CACNB2: variants seen among roughly 807,000 people sequenced by gnomAD.
The protein encoded by CACNB2 is calcium voltage-gated channel auxiliary subunit beta 2.
In CACNB2, 42 loss-of-function variants were observed where a neutral mutation model predicts 73.3. The ratio of observed to expected loss-of-function variants is 0.57; its 90% CI spans 0.45 to 0.74. CACNB2 has a LOEUF of 0.74. CACNB2 is among the 30% of genes least tolerant of loss of function. The probability of loss-of-function intolerance (pLI) is 0.00; values close to 1 mark genes in which losing one functional copy is unlikely to be tolerated. For missense variants in CACNB2, 940 were observed against 853.0 expected, an observed-to-expected ratio of 1.10 and a Z score of -1.27; for synonymous variants, 348 against 310.3, an observed-to-expected ratio of 1.12 and a Z score of -1.28.
At chr10:18,435,343 C>A (rs1436945700) in intron 3 of CACNB2, among the ~76,000 whole-genome samples, 2 of 152,180 alleles carry the variant, frequency 1.3e-5, no homozygotes, top group African/African-American at 4.8e-5. Context: ...CCTGAGTTGA[C>A]AATAGGTGGC....
At chr10:18,360,785 C>T (rs1485722234) in intron 2 of CACNB2, among the ~76,000 whole-genome samples, 1 of 152,168 alleles carries the variant, frequency 6.6e-6, no homozygotes, top group African/African-American at 2.4e-5. Flanking sequence ...TCAGATTATG[C>T]ACCTGCTGAA....
At chr10:18,220,870 CT>C (rs1439489165) in intron 2 of CACNB2, among the ~76,000 whole-genome samples, 1 of 152,216 alleles carries the variant, frequency 6.6e-6, no homozygotes, top group African/African-American at 2.4e-5. Flanking sequence ...ACAATCCCCC[CT>C]AGTCCGTGGG....
At chr10:18,305,811 C>A (rs1374757961) in intron 2 of CACNB2, among the ~76,000 whole-genome samples, 3 of 152,036 alleles carry the variant, frequency 2.0e-5, no homozygotes, top group Non-Finnish European at 4.4e-5. Flanking sequence ...AGAAGGGTAA[C>A]TGAGGAATTC....
At chr10:18,492,489 C>T (rs969100005) in intron 3 of CACNB2, among the ~76,000 whole-genome samples, 13 of 152,070 alleles carry the variant, frequency 8.5e-5, no homozygotes, top group African/African-American at 2.4e-4. Context: ...GGTGTGGTGG[C>T]ATGCGCCTGT....
chr10:18,512,059 A>AT (rs888542143), intron 6 of CACNB2, among the ~76,000 whole-genome samples: 2 of 152,176 alleles, frequency 1.3e-5, no homozygotes, highest in African/African-American at 4.8e-5. Flanking sequence ...ATGTGGAAGG[A>AT]TTTTGTAAAA....
intron 2 of CACNB2, among the ~76,000 whole-genome samples, chr10:18,227,504 T>C (rs762870266): frequency 4.6e-5 from 7 of 152,208 alleles, no homozygotes; most frequent in Non-Finnish European, 1.0e-4. Context: ...TCAGTAGTGT[T>C]CCATGAAAGG....
intron 3 of CACNB2, among the ~76,000 whole-genome samples, chr10:18,422,200 T>C (rs1047289907): frequency 6.6e-6 from 1 of 152,228 alleles, no homozygotes; most frequent in African/African-American, 2.4e-5. Flanking sequence ...GTCTGTGACT[T>C]TCTGAGTTGC....
At position 18,150,880 on chromosome 10, in the gene CACNB2, T is replaced by TTTTTTTTTTTTTTTTTTTG; in HGVS notation, c.121-3_121-2insTTTTTTTTTTTTTTTTTTG. 4 of 1,300,364 alleles carry TTTTTTTTTTTTTTTTTTTG rather than the reference T, an allele frequency of 3.1e-6. No homozygotes were observed. The highest frequency in any genetic ancestry group is 1.7e-5 in the African/African-American group (1 of 59,346). The allele number at this position is 1,300,364 out of a possible 1,614,324, so 80.6% of individuals were successfully genotyped here. A position where few individuals can be genotyped will look rare whatever the true frequency, so the allele number is the denominator to read the frequency against. On this transcript the variant is annotated splice_polypyrimidine_tract_variant and splice_region_variant and intron_variant, in intron 1 of 13. Coordinates refer to ENST00000324631, the MANE Select transcript of CACNB2 (RefSeq NM_201596.3). ...CTTTTTTTTTTTTTTTTTTTTTTTT[T>TTTTTTTTTTTTTTTTTTTG]AGTCATATGGAAAAGGAGCCAGAAG...
chr10:18,154,839 G>A (rs1335576715), intron 2 of CACNB2, among the ~76,000 whole-genome samples: 7 of 152,232 alleles, frequency 4.6e-5, no homozygotes, highest in Non-Finnish European at 8.8e-5. Flanking sequence ...TGAGGACACA[G>A]TGAGGAGGCA....
intron 3 of CACNB2, among the ~76,000 whole-genome samples, chr10:18,476,577 A>T (rs997540507): frequency 1.3e-5 from 2 of 152,134 alleles, no homozygotes; most frequent in African/African-American, 4.8e-5. Flanking sequence ...ATGAAGTTGC[A>T]CCCTATGCAC....
At chr10:18,284,184 C>T (rs1269670926) in intron 2 of CACNB2, among the ~76,000 whole-genome samples, 2 of 152,168 alleles carry the variant, frequency 1.3e-5, no homozygotes, top group Admixed American at 6.5e-5. Flanking sequence ...AGCAAAGTCA[C>T]GTCTTACGTG....
chr10:18,246,395 C>T (rs556291417), intron 2 of CACNB2, among the ~76,000 whole-genome samples: 24 of 152,134 alleles, frequency 1.6e-4, no homozygotes, highest in Middle Eastern at 6.8e-3. Flanking sequence ...TCCTAGTTCT[C>T]TCTTTCTTTT....
chr10:18,474,565 C>G (rs1162937612), intron 3 of CACNB2, among the ~76,000 whole-genome samples: 1 of 152,146 alleles, frequency 6.6e-6, no homozygotes, highest in Admixed American at 6.5e-5. Context: ...CACACACGCA[C>G]TTTCTCCTTA....
At chr10:18,526,689 CCAATT>C (rs1380597545) in intron 9 of CACNB2, among the ~76,000 whole-genome samples, 4 of 152,144 alleles carry the variant, frequency 2.6e-5, no homozygotes, top group Non-Finnish European at 5.9e-5. Flanking sequence ...AATGATACTC[CCAATT>C]CAATATTGTC....
chr10:18,366,321 C>G (rs535623529), intron 2 of CACNB2, among the ~76,000 whole-genome samples: 1 of 151,648 alleles, frequency 6.6e-6, no homozygotes, highest in Non-Finnish European at 1.5e-5. Context: ...AAAAATTAGC[C>G]GGGCGTGGTG....
intron 1 of CACNB2, among the ~76,000 whole-genome samples, chr10:18,148,766 G>T (rs1014296): frequency 0.16 from 23,570 of 152,050 alleles, 2,045 homozygotes; most frequent in East Asian, 0.41. Context: ...AGGCTGGGGC[G>T]GGAGAATTGC....
At chr10:18,527,897 C>G (rs992364365) in intron 10 of CACNB2, among the ~76,000 whole-genome samples, 200 bp downstream of exon 10, 4 of 152,198 alleles carry the variant, frequency 2.6e-5, no homozygotes, top group African/African-American at 9.6e-5. Context: ...AAGAATTCCA[C>G]AGGCTGTCAG....
rs111401264 is a variant in CACNB2 at position 18,168,497 on chromosome 10, TTG to T, written c.213+17543_213+17544del. Among the ~76,000 whole-genome samples the T allele has an allele frequency of 1.5e-4, 23 of 149,834 alleles. No homozygotes were observed. The East Asian group carries it at 2.2e-3, about 14-fold the overall frequency. ...CTAGATTTACATCTTTCTTCCTTCT[TTG>T]TGTGTGTGTGTGTGTGTGTGAGTGT... On this transcript the variant is annotated intron_variant, in intron 2 of 13. Coordinates refer to ENST00000324631, the MANE Select transcript of CACNB2 (RefSeq NM_201596.3).
intron 2 of CACNB2, among the ~76,000 whole-genome samples, chr10:18,271,883 G>T (rs1212941269): frequency 6.6e-6 from 1 of 151,984 alleles, no homozygotes; most frequent in Non-Finnish European, 1.5e-5. Context: ...TGATGAGCAG[G>T]TCACCATTCT....
Sources: allele counts gnomAD v4.1 joint callset (sites outside exome capture counted in the v4.1 genomes callset), GRCh38; gene constraint gnomAD v4.1.1; transcripts MANE v1.5; gene names NCBI Gene and HGNC (gene_info 2026-07-23, HGNC 2026-07-21).